Variants in PSMB2 observed in about 807,000 individuals in gnomAD.
PSMB2 encodes the protein proteasome 20S subunit beta 2.
A neutral mutation model predicts 25.7 loss-of-function variants in PSMB2; 13 were observed. The observed-to-expected ratio is 0.51, with a 90% confidence interval of 0.33 to 0.80. PSMB2 has a LOEUF of 0.80. PSMB2 is among the 30% of genes least tolerant of loss of function. PSMB2 has a pLI of 0.02. For missense variants in PSMB2, 202 were observed against 259.0 expected (o/e 0.78, Z 1.51); for synonymous variants, 87 against 96.2 (o/e 0.90, Z 0.56).
In PSMB2 at chr1:35,631,339, C is replaced by T. The variant is rs1404843135; in HGVS notation, c.220G>A (p.Glu74Lys). ...VQLYKMRNGY[E>K]LSPTAAANFT... ...TTAGCTGCTGCCGTGGGAGACAATT[C>T]ATATCCTGGTAGAAGAGATAAAGAG... The change falls in exon 3 of 6, where the codon GAA (glutamate) becomes AAA (lysine). Residue 74 changes from glutamate to lysine, a missense_variant. By Grantham distance (56) the Glu-to-Lys change is moderately conservative. Coordinates refer to ENST00000373237, the MANE Select transcript of PSMB2 (RefSeq NM_002794.5). The T allele has an allele frequency of 2.5e-6, 4 of 1,614,084 alleles. No individual in the cohort carries two copies. Among genetic ancestry groups the T allele is most frequent in the South Asian group, 1.1e-5 (1 of 91,068 alleles).
rs1419934482 is a variant in PSMB2 at position 35,604,202 on chromosome 1, A to G, written c.499-828T>C. On this transcript the variant is annotated intron_variant, in intron 5 of 5. Transcript: ENST00000373237. ...GCCACAGGAACAGTAAAAGAATGAA[A>G]AAAACTAATGTGGCTGGTTTTTGAC... Among the ~76,000 whole-genome samples, 5 of 152,158 alleles carry G rather than the reference A, an allele frequency of 3.3e-5. No homozygotes were observed. In the East Asian group the frequency reaches 7.7e-4, roughly 23 times the overall value.
At chr1:35,631,976 C>T (rs1028605392) in intron 2 of PSMB2, among the ~76,000 whole-genome samples, 3 of 151,968 alleles carry the variant, frequency 2.0e-5, no homozygotes, top group Admixed American at 6.6e-5. Context: ...TATGACTGTG[C>T]CACTGCACTA....
intron 3 of PSMB2, among the ~76,000 whole-genome samples, chr1:35,612,840 A>G (rs578062351): frequency 6.6e-6 from 1 of 152,366 alleles, no homozygotes; most frequent in Admixed American, 6.5e-5. Context: ...AGGCCTTGTT[A>G]GAACCCAGAT....
chr1:35,628,102 C>T (rs74333129), intron 3 of PSMB2, among the ~76,000 whole-genome samples: 3,121 of 152,116 alleles, frequency 0.021, 95 homozygotes, highest in East Asian at 0.061. Flanking sequence ...CAGAATAAGA[C>T]GACTAAAATA....
At chr1:35,608,115 A>G (rs1650221752) in intron 4 of PSMB2, among the ~76,000 whole-genome samples, 1 of 152,226 alleles carries the variant, frequency 6.6e-6, no homozygotes, top group South Asian at 2.1e-4. Flanking sequence ...CTGTAATCCC[A>G]ACACTTTGGG....
intron 3 of PSMB2, among the ~76,000 whole-genome samples, chr1:35,615,793 C>A (rs1650475980): frequency 6.6e-6 from 1 of 152,130 alleles, no homozygotes; most frequent in African/African-American, 2.4e-5. Context: ...GGTGCAATTT[C>A]TTTTTTGATG....
rs916877739 is a variant in PSMB2, at chr1:35,615,265, T to G, written c.286-5857A>C. ...TTGGCTGATAAGCACATCTCTTATG[T>G]ACTTCTTTCCGAGACTGAAATAGAC... is the stretch of plus-strand genomic sequence containing the variant. On this transcript the variant is annotated intron_variant, in intron 3 of 5. Coordinates refer to ENST00000373237, the MANE Select transcript of PSMB2 (RefSeq NM_002794.5). Among the ~76,000 whole-genome samples the G allele has an allele frequency of 2.0e-5, 3 of 152,246 alleles. No homozygotes were observed. The South Asian group carries it at 6.2e-4, about 31-fold the overall frequency.
At chr1:35,628,603 A>T (rs1274924406) in intron 3 of PSMB2, among the ~76,000 whole-genome samples, 1 of 23,404 alleles carries the variant, frequency 4.3e-5, no homozygotes, top group African/African-American at 1.3e-4. Flanking sequence ...AAAAATATAT[A>T]TATATATATA....
At chr1:35,625,677 GCATGAAC>G (rs1351715537) in intron 3 of PSMB2, among the ~76,000 whole-genome samples, 1 of 151,332 alleles carries the variant, frequency 6.6e-6, no homozygotes. Context: ...CAGGAGAATG[GCATGAAC>G]CCGGGAGGTG....
At chr1:35,620,266 G>A (rs1650639869) in intron 3 of PSMB2, among the ~76,000 whole-genome samples, 1 of 152,186 alleles carries the variant, frequency 6.6e-6, no homozygotes, top group Non-Finnish European at 1.5e-5. Flanking sequence ...CTGAGGAAAA[G>A]ACTATTTAGG....
chr1:35,631,726 A>C (rs1036556120), intron 2 of PSMB2, among the ~76,000 whole-genome samples: 2 of 152,236 alleles, frequency 1.3e-5, no homozygotes, highest in African/African-American at 4.8e-5. Context: ...TTTATTTTAA[A>C]AAGGATATTG....
chr1:35,636,856 C>T (rs1651257678), intron 1 of PSMB2, among the ~76,000 whole-genome samples: 1 of 152,030 alleles, frequency 6.6e-6, no homozygotes, highest in African/African-American at 2.4e-5. Context: ...CCTACAGATA[C>T]CAAGGGACGA....
intron 3 of PSMB2, among the ~76,000 whole-genome samples, chr1:35,623,161 T>G (rs925669675): frequency 2.0e-5 from 3 of 152,216 alleles, no homozygotes; most frequent in Non-Finnish European, 4.4e-5. Flanking sequence ...GGGGCCAACA[T>G]GAGCCACCCC....
chr1:35,627,303 C>T (rs1000902082), intron 3 of PSMB2, among the ~76,000 whole-genome samples: 3 of 146,530 alleles, frequency 2.0e-5, no homozygotes, highest in South Asian at 2.2e-4. Flanking sequence ...TGATCCCTCA[C>T]GAAAAACTAA....
intron 3 of PSMB2, among the ~76,000 whole-genome samples, chr1:35,630,256 G>A (rs146535558): frequency 2.0e-5 from 3 of 152,228 alleles, no homozygotes; most frequent in African/African-American, 7.2e-5. Context: ...TTCAGTCACA[G>A]GTATTAAGTA....
chr1:35,634,343 T>TTTAC (rs1174209709), intron 2 of PSMB2, among the ~76,000 whole-genome samples: 4 of 151,724 alleles, frequency 2.6e-5, no homozygotes, highest in African/African-American at 9.7e-5. Context: ...AAAGCCAAGG[T>TTTAC]TTACTTAGGT....
chr1:35,627,709 A>G lies in PSMB2; in HGVS notation c.285+3565T>C, dbSNP rs74224914. The stretch of plus-strand genomic sequence containing the variant: ...TTAATCTTCATAATAACTTTTTGAA[A>G]TTGGTAAGTAGGGAAATTAAGCTTA... On this transcript the variant is annotated intron_variant, in intron 3 of 5. Transcript: ENST00000373237. Among the ~76,000 whole-genome samples the G allele has an allele frequency of 4.6e-5, 7 of 152,306 alleles. No homozygotes were observed. The East Asian group carries it at 1.3e-3, about 29-fold the overall frequency.
chr1:35,624,649 A>T (rs995946032), intron 3 of PSMB2, among the ~76,000 whole-genome samples: 1 of 152,038 alleles, frequency 6.6e-6, no homozygotes, highest in East Asian at 1.9e-4. Context: ...GCTACTCAGG[A>T]GGCTGATGCA....
At chr1:35,616,978 G>A (rs548598897) in intron 3 of PSMB2, among the ~76,000 whole-genome samples, 1 of 152,268 alleles carries the variant, frequency 6.6e-6, no homozygotes, top group East Asian at 1.9e-4. Flanking sequence ...ACCTTTCCTA[G>A]CTCTAAAAGA....
Sources: allele counts gnomAD v4.1 joint callset (sites outside exome capture counted in the v4.1 genomes callset), GRCh38; gene constraint gnomAD v4.1.1; transcripts MANE v1.5; gene names NCBI Gene and HGNC (gene_info 2026-07-23, HGNC 2026-07-21).